EXOC3L2: variants seen among roughly 807,000 people sequenced by gnomAD.
EXOC3L2 encodes exocyst complex component 3 like 2, also known as exocyst complex component 3-like protein 2.
EXOC3L2 carries 17 observed loss-of-function variants against 44.4 expected under a neutral mutation model. That is an observed-to-expected ratio of 0.38 (90% confidence interval 0.26 to 0.57). The LOEUF (loss-of-function observed/expected upper bound fraction) is 0.57. EXOC3L2 is among the 20% of genes least tolerant of loss of function. The pLI is 0.65. For missense variants in EXOC3L2, 541 were observed against 588.4 expected (o/e 0.92, Z 0.83); for synonymous variants, 256 against 253.7 (o/e 1.01, Z -0.09).
intron 1 of EXOC3L2, among the ~76,000 whole-genome samples, chr19:45,243,631 A>C (rs989310154): frequency 6.6e-6 from 1 of 151,650 alleles, no homozygotes; most frequent in African/African-American, 2.4e-5. Flanking sequence ...TTTCTCTTCT[A>C]TTTTATTTTA....
chr19:45,228,395 G>T, intron 4 of EXOC3L2, 129 bp from the exon 5 acceptor site: 2 of 757,060 alleles, frequency 2.6e-6, no homozygotes, highest in Non-Finnish European at 4.2e-6. Context: ...CTATGAGCTT[G>T]TCAAGGTGAT....
intron 3 of EXOC3L2, among the ~76,000 whole-genome samples, chr19:45,232,669 G>T (rs944587836): frequency 1.3e-5 from 2 of 152,146 alleles, no homozygotes; most frequent in Non-Finnish European, 2.9e-5. Flanking sequence ...ACAAGAATGG[G>T]TATGTTTTAG....
intron 10 of EXOC3L2, 58 bp downstream of exon 10, chr19:45,217,470 C>A: frequency 6.8e-7 from 1 of 1,471,512 alleles, no homozygotes; most frequent in Non-Finnish European, 8.9e-7. Flanking sequence ...CTGAGATTCT[C>A]GGAAGCCAAG....
rs755147222 is a variant in EXOC3L2 at position 45,224,905 on chromosome 19, G to A, written c.1592C>T (p.Ala531Val). 1.1e-4 allele frequency: 176 copies of A among 1,550,842 alleles called. No homozygotes were observed. Among genetic ancestry groups the A allele is most frequent in the Non-Finnish European group, 1.4e-4 (165 of 1,146,596 alleles). Residue 531 changes from alanine (A) to valine (V), a missense_variant, in exon 8 of 12, where the codon GCC becomes GTC. Coordinates refer to ENST00000413988, the MANE Select transcript of EXOC3L2 (RefSeq NM_001382422.1). ...GGGCCCCACCCGGGCCAGGCGCTCG[G>A]CCAGAGCTCTGTGGGGATCAACAGA... Reference protein sequence around the residue: ...VNCGPPLRALAERLARVGPPE... With the variant: ...VNCGPPLRALVERLARVGPPE...
chr19:45,232,655 G>A (rs1014384694), intron 3 of EXOC3L2, among the ~76,000 whole-genome samples: 1 of 152,058 alleles, frequency 6.6e-6, no homozygotes, highest in Non-Finnish European at 1.5e-5. Flanking sequence ...TCCATCCCCC[G>A]GCCACAAGAA....
Position 45,224,865 on chromosome 19 carries a change from C to T in EXOC3L2, c.1632G>A (p.Pro544=), listed in dbSNP as rs10410003. The change falls in exon 8 of 12, where the codon CCG becomes CCA. Residue 544 remains proline (P), a synonymous_variant. Transcript: ENST00000413988. ...LARVGPPESE[P]AREASASALD... ...GAGCACTAGCAGATGCTTCCCGGGC[C>T]GGCTCGCTTTCTGGGGGCCCCACCC... 87,193 of 1,578,632 alleles carry T rather than the reference C, an allele frequency of 0.055. 3,193 individuals carry two copies. The highest frequency in any genetic ancestry group is 0.16 in the African/African-American group (11,682 of 73,716).
At position 45,238,681 on chromosome 19, in the gene EXOC3L2, G is replaced by T. The variant is rs1013439611; in HGVS notation, c.365C>A (p.Ala122Glu). 1.0e-4 allele frequency: 41 copies of T among 399,146 alleles called. No individual in the cohort carries two copies. The highest frequency in any genetic ancestry group is 7.5e-4 in the Admixed American group (17 of 22,736). The allele number at this position is 399,146 out of a possible 1,614,324, so 24.7% of individuals were successfully genotyped here. A position where few individuals can be genotyped will look rare whatever the true frequency, so the allele number is the denominator to read the frequency against. Residue 122 changes from alanine (A) to glutamate (E), a missense_variant, in exon 2 of 12, where the codon GCG (alanine) becomes GAG (glutamate). Transcript: ENST00000413988. The surrounding 1 kb of genome is among the most constrained non-coding windows in gnomAD (Gnocchi z 5.5). ...GTRAHGDEEA[A>E]GEAARRLAFL... ...GGCCAGTCTCCGGGCGGCCTCCCCC[G>T]CTGCCTCCTCGTCGCCGTGGGCTCG...
At chr19:45,226,267 C>G (rs1462385943) in intron 7 of EXOC3L2, among the ~76,000 whole-genome samples, 1 of 152,054 alleles carries the variant, frequency 6.6e-6, no homozygotes, top group East Asian at 1.9e-4. Flanking sequence ...CTGGACTGTT[C>G]TCCATTCGGC....
chr19:45,218,070 G>A (rs1333092355), intron 9 of EXOC3L2, 127 bp downstream of exon 9: 1 of 1,302,150 alleles, frequency 7.7e-7, no homozygotes, highest in Admixed American at 2.7e-5. Flanking sequence ...ACCTTAGAGG[G>A]GTTTCCTCCA....
At chr19:45,214,456 G>A (rs983014157) in intron 11 of EXOC3L2, among the ~76,000 whole-genome samples, 1 of 151,328 alleles carries the variant, frequency 6.6e-6, no homozygotes, top group Non-Finnish European at 1.5e-5. Context: ...GTTTTTTTGT[G>A]TGTTTGTTTG....
intron 1 of EXOC3L2, among the ~76,000 whole-genome samples, chr19:45,244,674 C>T (rs1449066293): frequency 3.3e-5 from 5 of 152,176 alleles, no homozygotes; most frequent in Non-Finnish European, 5.9e-5. Context: ...TCACTGCCAG[C>T]CTTTTCCCCG....
rs1323471914 is a variant in EXOC3L2, at chr19:45,212,943, A to G, written c.*126T>C. 8.1e-6 allele frequency: 9 copies of G among 1,116,300 alleles called. No homozygotes were observed. Among genetic ancestry groups the G allele is most frequent in the Non-Finnish European group, 1.1e-5 (9 of 838,032 alleles). 69.1% of individuals were successfully genotyped at this position (1,116,300 alleles called of 1,614,324 possible). On this transcript the variant is annotated 3_prime_UTR_variant, in exon 12 of 12. Transcript: ENST00000413988. Reference sequence around the variant, plus strand: ...AGGGAGTTTGGGGTTGGGTGAAAAGACATCTAAGGGTCTTTCTATCCCAGG... The same window carrying G: ...AGGGAGTTTGGGGTTGGGTGAAAAGGCATCTAAGGGTCTTTCTATCCCAGG...
intron 7 of EXOC3L2, among the ~76,000 whole-genome samples, chr19:45,225,501 C>A (rs946186714): frequency 1.3e-5 from 2 of 152,034 alleles, no homozygotes; most frequent in Non-Finnish European, 2.9e-5. Context: ...ATCTCCTGAC[C>A]TTGTGATCCA....
At chr19:45,215,883 G>A (rs919985787) in intron 11 of EXOC3L2, among the ~76,000 whole-genome samples, 190 bp downstream of exon 11, 6 of 152,274 alleles carry the variant, frequency 3.9e-5, no homozygotes, top group African/African-American at 7.2e-5. Flanking sequence ...CGGTGGCGGC[G>A]GAGGCAGCAG....
Position 45,234,711 on chromosome 19 carries a change from G to C in EXOC3L2, c.639C>G (p.Pro213=). The C allele has an allele frequency of 5.1e-6, 2 of 390,594 alleles. No homozygotes were observed. The highest frequency in any genetic ancestry group is 9.1e-6 in the Non-Finnish European group (2 of 220,912). The allele number at this position is 390,594 out of a possible 1,614,324, so 24.2% of individuals were successfully genotyped here. ...APSRGGAPGP[P]KAEGAGGGRR... ...GGCCCCCGCCAGCGCCCTCGGCCTT[G>C]GGAGGCCCAGGCGCGCCGCCCCTCG... The change falls in exon 3 of 12, where the codon CCC becomes CCG. Residue 213 remains proline, a synonymous_variant. Transcript: ENST00000413988. This position sits in a 1 kb window ranked among gnomAD's most constrained non-coding sequence, Gnocchi z 5.0.
chr19:45,244,858 C>G (rs1170057874), intron 1 of EXOC3L2, among the ~76,000 whole-genome samples: 1 of 151,944 alleles, frequency 6.6e-6, no homozygotes, highest in African/African-American at 2.4e-5. Flanking sequence ...GTCATCAGCC[C>G]AGACCACTGC....
At chr19:45,243,540 C>T (rs1970146841) in intron 1 of EXOC3L2, among the ~76,000 whole-genome samples, 1 of 152,344 alleles carries the variant, frequency 6.6e-6, no homozygotes, top group African/African-American at 2.4e-5. Context: ...GAGGCAGTCA[C>T]CATGACGACC....
intron 3 of EXOC3L2, among the ~76,000 whole-genome samples, chr19:45,232,414 C>G (rs977708470): frequency 6.6e-6 from 1 of 152,190 alleles, no homozygotes; most frequent in Non-Finnish European, 1.5e-5. Flanking sequence ...GACTCCCTAT[C>G]CTGCCTCCAT....
Position 45,235,795 on chromosome 19 carries a change from G to A in EXOC3L2, c.524-969C>T, listed in dbSNP as rs1970078626. Among the ~76,000 whole-genome samples the A allele has an allele frequency of 4.6e-5, 7 of 152,286 alleles. No individual in the cohort carries two copies. The South Asian group carries it at 1.0e-3, about 23-fold the overall frequency. On this transcript the variant is annotated intron_variant, in intron 2 of 11. Coordinates refer to ENST00000413988, the MANE Select transcript of EXOC3L2 (RefSeq NM_001382422.1). ...CTCCAGTGCCCTCCCAGTCCCCAGG[G>A]AGCTGGGGCTGAAATAGCCTCTGGC... is the stretch of plus-strand genomic sequence containing the variant.
Sources: allele counts gnomAD v4.1 joint callset (sites outside exome capture counted in the v4.1 genomes callset), GRCh38; gene constraint gnomAD v4.1.1; non-coding constraint Gnocchi (gnomAD v3.1); transcripts MANE v1.5; gene names NCBI Gene and HGNC (gene_info 2026-07-23, HGNC 2026-07-21).